The following MBP variants were observed in gnomAD, a reference collection of about 807,000 sequenced individuals.
MBP encodes Golli-MBP.
MBP carries 16 observed loss-of-function variants against 35.8 expected under a neutral mutation model. The observed-to-expected ratio is 0.45, with a 90% CI of 0.30 to 0.68. MBP has a LOEUF of 0.68. Ranked by LOEUF, MBP falls within the 30% of genes least tolerant of loss-of-function variation. The pLI is 0.08. For synonymous variants in MBP, 143 were observed against 159.6 expected (o/e 0.90, Z 0.78); for missense variants, 380 against 404.7 (o/e 0.94, Z 0.52).
Position 77,105,200 on chromosome 18 carries a change from T to A in MBP, c.51+11A>T. The A allele has an allele frequency of 6.2e-7, 1 of 1,612,754 alleles. No homozygotes were observed. Among genetic ancestry groups the A allele is most frequent in the Non-Finnish European group, 8.5e-7 (1 of 1,179,040 alleles). ...CAACATGCACATGTTTCGGATCAGC[T>A]CACGTCTTACCGTACTGGCCTTCTC... is the stretch of plus-strand genomic sequence containing the variant. On this transcript the variant is annotated intron_variant, in intron 2 of 8. Coordinates refer to ENST00000355994, the MANE Select transcript of MBP (RefSeq NM_001025101.2).
At chr18:77,079,118 G>A (rs9964602) in intron 2 of MBP, among the ~76,000 whole-genome samples, 110,370 of 152,208 alleles carry the variant, frequency 0.73, 41,169 homozygotes, top group South Asian at 0.84. Context: ...AGAGTTGGCA[G>A]AAAGAAGGAG....
rs1971943109 is a variant in MBP, at chr18:77,020,377, C to T, written c.140-3109G>A. 1.3e-5 allele frequency among the ~76,000 whole-genome samples: 2 copies of T among 152,172 alleles called. No individual in the cohort carries two copies. Among genetic ancestry groups the T allele is most frequent in the African/African-American group, 4.8e-5 (2 of 41,438 alleles). On this transcript the variant is annotated intron_variant, in intron 3 of 8. Transcript: ENST00000355994. This position sits in a 1 kb window ranked among gnomAD's most constrained non-coding sequence, Gnocchi z 4.1. ...TGAGCAGTGGACAGATATTCTTCTA[C>T]GTCGGTTTCCACAAAGGACCTCTTT...
chr18:77,100,508 GGTGTGTGTGTGTGTGTGTGTGTGTGT>G (rs57715344), intron 2 of MBP, among the ~76,000 whole-genome samples: 4 of 133,604 alleles, frequency 3.0e-5, no homozygotes, highest in African/African-American at 5.5e-5. Flanking sequence ...TAGAATTTGG[GGTGTGTGTGTGTGTGTGTGTGTGTGT>G]GTGTGTGTGT....
intron 2 of MBP, among the ~76,000 whole-genome samples, chr18:77,081,761 TATATATACAC>T (rs947263242): frequency 3.7e-4 from 46 of 122,930 alleles, no homozygotes; most frequent in Non-Finnish European, 5.4e-4. Flanking sequence ...TATATATATA[TATATATACAC>T]ACACACACAC....
In MBP at chr18:77,020,893, C is replaced by G. The variant is rs1454925935; in HGVS notation, c.140-3625G>C. 6.6e-6 allele frequency among the ~76,000 whole-genome samples: 1 copy of G among 152,230 alleles called. No individual in the cohort carries two copies. Among genetic ancestry groups the G allele is most frequent in the African/African-American group, 2.4e-5 (1 of 41,462 alleles). ...TCCAGGCTGCAGTGTGAACTCTTTT[C>G]TGCACAATTACTAAGAGGCAGGAAA... On this transcript the variant is annotated intron_variant, in intron 3 of 8. Coordinates refer to ENST00000355994, the MANE Select transcript of MBP (RefSeq NM_001025101.2). The surrounding 1 kb of genome is among the most constrained non-coding windows in gnomAD (Gnocchi z 4.1).
intron 2 of MBP, among the ~76,000 whole-genome samples, chr18:77,094,438 G>A (rs959760747): frequency 1.1e-4 from 17 of 152,190 alleles, no homozygotes; most frequent in Non-Finnish European, 2.1e-4. Context: ...CATAAGTGCC[G>A]GTTCCCGGAC....
intron 4 of MBP, chr18:76,990,858 T>C: frequency 3.5e-6 from 1 of 284,148 alleles, no homozygotes; most frequent in Non-Finnish European, 7.2e-6. Context: ...AGCAGCGGGT[T>C]TGGGTGTGCG....
At chr18:77,012,058 T>C (rs553756167) in intron 4 of MBP, among the ~76,000 whole-genome samples, 41 of 152,008 alleles carry the variant, frequency 2.7e-4, no homozygotes, top group African/African-American at 9.4e-4. Context: ...TGCAAATGAG[T>C]TTAAAGGGAG....
intron 2 of MBP, among the ~76,000 whole-genome samples, chr18:77,099,788 G>C (rs746013283): frequency 3.9e-5 from 6 of 152,214 alleles, no homozygotes; most frequent in Admixed American, 2.0e-4. Context: ...ACCTGCCCTG[G>C]GGGGAGCCGC....
chr18:76,994,779 A>C (rs996353633), intron 4 of MBP, among the ~76,000 whole-genome samples: 1 of 152,240 alleles, frequency 6.6e-6, no homozygotes, highest in African/African-American at 2.4e-5. Flanking sequence ...AGTGAGCAGC[A>C]ACTGTTTGTT....
intron 3 of MBP, among the ~76,000 whole-genome samples, chr18:77,050,943 T>C (rs895742601): frequency 1.3e-5 from 2 of 151,620 alleles, no homozygotes; most frequent in African/African-American, 4.8e-5. Flanking sequence ...TGGTGTCCAG[T>C]TCCAGTCATG....
rs1461229499 is a variant in MBP, at chr18:77,131,997, G to A, written c.-26+583C>T. 1.3e-5 allele frequency among the ~76,000 whole-genome samples: 2 copies of A among 152,182 alleles called. No homozygotes were observed. The highest frequency in any genetic ancestry group is 2.4e-5 in the African/African-American group (1 of 41,462). ...GAGGGAGACTGCGCTTCGCCCCGGG[G>A]GCAGGGGCAGGAGCGCGATCGCGCG... On this transcript the variant is annotated intron_variant, in intron 1 of 8. Coordinates refer to ENST00000355994, the MANE Select transcript of MBP (RefSeq NM_001025101.2). This position sits in a 1 kb window ranked among gnomAD's most constrained non-coding sequence, Gnocchi z 5.5.
intron 3 of MBP, among the ~76,000 whole-genome samples, chr18:77,046,820 TG>T (rs1426753302): frequency 2.6e-5 from 4 of 152,214 alleles, no homozygotes; most frequent in Non-Finnish European, 4.4e-5. Context: ...TTTGTTCTGG[TG>T]TAAGTACTGG....
At position 77,102,661 on chromosome 18, in the gene MBP, A is replaced by C. The variant is rs1260344543; in HGVS notation, c.51+2550T>G. Among the ~76,000 whole-genome samples the C allele has an allele frequency of 6.6e-6, 1 of 152,242 alleles. No individual in the cohort carries two copies. Among genetic ancestry groups the C allele is most frequent in the Non-Finnish European group, 1.5e-5 (1 of 68,028 alleles). On this transcript the variant is annotated intron_variant, in intron 2 of 8. Transcript: ENST00000355994. The surrounding 1 kb of genome is among the most constrained non-coding windows in gnomAD (Gnocchi z 4.4). ...CTCAAAATCTTACTCTGATAGCATT[A>C]AACAAATTAAAAACATATGTGGGTG...
intron 2 of MBP, among the ~76,000 whole-genome samples, chr18:77,071,518 C>A (rs1456866032): frequency 6.6e-6 from 1 of 152,126 alleles, no homozygotes; most frequent in Non-Finnish European, 1.5e-5. Context: ...ATAACCAGAA[C>A]AGAAAGATGA....
chr18:76,984,547 G>T (rs569982859), intron 8 of MBP: 13 of 565,166 alleles, frequency 2.3e-5, no homozygotes, highest in Middle Eastern at 9.9e-4. Context: ...CAGCCCAGGC[G>T]CAGCCCTTCC....
chr18:77,102,667 A>G lies in MBP; in HGVS notation c.51+2544T>C, dbSNP rs146509316. 3.1e-3 allele frequency among the ~76,000 whole-genome samples: 471 copies of G among 152,378 alleles called. 1 individual carries two copies. Among genetic ancestry groups the G allele is most frequent in the African/African-American group, 0.011 (441 of 41,594 alleles). The stretch of plus-strand genomic sequence containing the variant: ...ATCTTACTCTGATAGCATTAAACAA[A>G]TTAAAAACATATGTGGGTGTTTTAC... On this transcript the variant is annotated intron_variant, in intron 2 of 8. Transcript: ENST00000355994. This position sits in a 1 kb window ranked among gnomAD's most constrained non-coding sequence, Gnocchi z 4.4.
chr18:77,034,985 A>G (rs986790982), intron 3 of MBP, among the ~76,000 whole-genome samples: 16 of 152,194 alleles, frequency 1.1e-4, no homozygotes, highest in African/African-American at 3.9e-4. Context: ...CTGCTAGGAA[A>G]GCACTTCTGT....
chr18:77,112,278 G>A (rs748512502), intron 1 of MBP, among the ~76,000 whole-genome samples: 10 of 152,202 alleles, frequency 6.6e-5, no homozygotes, highest in Admixed American at 2.0e-4. Context: ...CCAGGCGGGT[G>A]GCGGCAAAGC....
Sources: gnomAD v4.1 joint callset for allele counts (sites outside exome capture counted in the v4.1 genomes callset) on GRCh38, gnomAD v4.1.1 for gene constraint, Gnocchi (gnomAD v3.1) non-coding constraint, MANE v1.5 for transcripts, NCBI Gene and HGNC (gene_info 2026-07-23, HGNC 2026-07-21) for gene names.